RASGRP3: variants seen among roughly 807,000 people sequenced by gnomAD.
RASGRP3 encodes the protein RAS guanyl releasing protein 3.
RASGRP3 carries 54 observed loss-of-function variants against 82.7 expected under a neutral mutation model. The ratio of observed to expected loss-of-function variants is 0.65; its 90% CI spans 0.52 to 0.82. The LOEUF (loss-of-function observed/expected upper bound fraction) is 0.82. RASGRP3 is among the 40% of genes least tolerant of loss of function. RASGRP3 has a pLI of 0.00. For missense variants in RASGRP3, 861 were observed against 828.9 expected, an observed-to-expected ratio of 1.04 and a Z score of -0.48; for synonymous variants, 309 against 300.5, an observed-to-expected ratio of 1.03 and a Z score of -0.29.
At chr2:33,552,018 C>CAGAG (rs1675416875) in intron 14 of RASGRP3, among the ~76,000 whole-genome samples, 1 of 133,986 alleles carries the variant, frequency 7.5e-6, no homozygotes, top group African/African-American at 3.6e-5. Context: ...AACAAACAAA[C>CAGAG]AAACAAACAG....
intron 2 of RASGRP3, among the ~76,000 whole-genome samples, chr2:33,466,383 A>T (rs763439264): frequency 1.4e-4 from 21 of 152,142 alleles, no homozygotes; most frequent in Non-Finnish European, 2.4e-4. Flanking sequence ...GGGGTTTAAG[A>T]TTTCAGCGGA....
At chr2:33,444,917 C>T (rs1030788733) in intron 1 of RASGRP3, among the ~76,000 whole-genome samples, 1 of 152,160 alleles carries the variant, frequency 6.6e-6, no homozygotes, top group Non-Finnish European at 1.5e-5. Flanking sequence ...AGCCTAAAAT[C>T]GAGTTCCAAA....
rs1221337261 is a variant in RASGRP3 at position 33,558,845 on chromosome 2, G to C, written c.1879G>C (p.Asp627His). The part of the protein sequence containing the change: ...EPVWSEAGWG[D>H]SGSHTFPKMK... ...TGTCTGGTCAGAGGCTGGCTGGGGG[G>C]ACTCGGGGTCCCACACCTTCCCTAA... The change falls in exon 17 of 18, where the codon GAC becomes CAC. Residue 627 changes from aspartate to histidine, a missense_variant. Asp to His is a moderately conservative substitution (Grantham distance 81). Transcript: ENST00000403687. 1.2e-6 allele frequency: 2 copies of C among 1,613,876 alleles called. No individual in the cohort carries two copies. Among genetic ancestry groups the C allele is most frequent in the Non-Finnish European group, 1.7e-6 (2 of 1,179,906 alleles).
intron 17 of RASGRP3, among the ~76,000 whole-genome samples, chr2:33,562,042 A>G (rs1558534096): frequency 2.0e-5 from 3 of 152,218 alleles, no homozygotes; most frequent in Admixed American, 2.0e-4. Flanking sequence ...TATGTAATAT[A>G]CATAGTCATA....
chr2:33,524,553 AG>A lies in RASGRP3; in HGVS notation c.807+6del. ...CTTTCTTCAGAAGTTACAAAGGTAT[AG>A]TAGACTTGATCCTAATCAAAAGTAA... is the stretch of plus-strand genomic sequence containing the variant. On this transcript the variant is annotated splice_donor_region_variant and intron_variant, in intron 9 of 17. Transcript: ENST00000403687. 6.4e-7 allele frequency: 1 copy of A among 1,556,848 alleles called. No individual in the cohort carries two copies. Among genetic ancestry groups the A allele is most frequent in the South Asian group, 1.2e-5 (1 of 84,406 alleles).
chr2:33,542,966 T>G (rs750670649), intron 12 of RASGRP3, among the ~76,000 whole-genome samples: 3 of 152,204 alleles, frequency 2.0e-5, no homozygotes, highest in Non-Finnish European at 4.4e-5. Context: ...GTGCTAGGAT[T>G]GCAGGCATGA....
intron 9 of RASGRP3, among the ~76,000 whole-genome samples, chr2:33,525,954 T>C (rs975438849): frequency 1.3e-5 from 2 of 152,218 alleles, no homozygotes; most frequent in East Asian, 1.9e-4. Flanking sequence ...TTTTGTTTTT[T>C]TGTTTGTTTC....
chr2:33,505,495 T>C (rs746783785), intron 1 of RASGRP3, among the ~76,000 whole-genome samples: 24 of 151,866 alleles, frequency 1.6e-4, no homozygotes, highest in Non-Finnish European at 2.6e-4. Flanking sequence ...AGAGACGGGG[T>C]TTCTCCATGT....
chr2:33,538,274 A>G (rs1244486615), intron 11 of RASGRP3, among the ~76,000 whole-genome samples: 1 of 152,076 alleles, frequency 6.6e-6, no homozygotes, highest in Non-Finnish European at 1.5e-5. Context: ...AGGCCAAGGC[A>G]GGTGGATCAT....
intron 11 of RASGRP3, among the ~76,000 whole-genome samples, chr2:33,534,837 G>A (rs933357697): frequency 2.0e-5 from 3 of 151,834 alleles, no homozygotes; most frequent in East Asian, 1.9e-4. Flanking sequence ...CACCACGCCC[G>A]GCCATTATTC....
At chr2:33,465,593 C>A (rs1340839585) in intron 2 of RASGRP3, among the ~76,000 whole-genome samples, 1 of 152,182 alleles carries the variant, frequency 6.6e-6, no homozygotes, top group Admixed American at 6.6e-5. Flanking sequence ...GGAGAAACTG[C>A]AGCAAGTTAT....
At chr2:33,455,616 G>T (rs142341847) in intron 2 of RASGRP3, among the ~76,000 whole-genome samples, 8 of 152,368 alleles carry the variant, frequency 5.3e-5, no homozygotes, top group Non-Finnish European at 8.8e-5. Flanking sequence ...AAGGCAGACC[G>T]CCCGAGGAGC....
chr2:33,556,258 T>TTTTTTTTTTTTTTTTTTTTTTG (rs2151109512), intron 15 of RASGRP3, among the ~76,000 whole-genome samples: 1 of 51,458 alleles, frequency 1.9e-5, no homozygotes, highest in Admixed American at 2.3e-4. Context: ...TTTTTTTTTT[T>TTTTTTTTTTTTTTTTTTTTTTG]GAGACGGAGT....
intron 12 of RASGRP3, among the ~76,000 whole-genome samples, chr2:33,541,842 G>A (rs1674309325): frequency 6.8e-6 from 1 of 147,180 alleles, no homozygotes; most frequent in Admixed American, 7.0e-5. Flanking sequence ...TGACATTGAT[G>A]TCATGCCAAG....
chr2:33,525,494 A>G (rs925155675), intron 9 of RASGRP3, among the ~76,000 whole-genome samples: 2 of 152,006 alleles, frequency 1.3e-5, no homozygotes, highest in Admixed American at 6.6e-5. Flanking sequence ...GCACTTTGCT[A>G]CTTCAATAAG....
intron 4 of RASGRP3, 56 bp downstream of exon 4, chr2:33,516,700 G>T: frequency 8.3e-7 from 1 of 1,206,120 alleles, no homozygotes. Flanking sequence ...TCTGTATTTA[G>T]ATAGAGTGTC....
At chr2:33,465,776 G>A (rs1347091963) in intron 2 of RASGRP3, among the ~76,000 whole-genome samples, 1 of 152,170 alleles carries the variant, frequency 6.6e-6, no homozygotes, top group Non-Finnish European at 1.5e-5. Context: ...CTTGTTAGGG[G>A]CTAATGCAGC....
chr2:33,440,409 G>A (rs1665162910), intron 1 of RASGRP3, among the ~76,000 whole-genome samples: 1 of 152,144 alleles, frequency 6.6e-6, no homozygotes, highest in South Asian at 2.1e-4. Context: ...AGAGGCAGAT[G>A]GAAAATGGAA....
At position 33,488,606 on chromosome 2, in the gene RASGRP3, G is replaced by A. The variant is rs914409312; in HGVS notation, c.-261+11899G>A. On this transcript the variant is annotated intron_variant, in intron 1 of 17. Transcript: ENST00000403687. ...CTTCCTCCAGAAGAGGATTAAAGCA[G>A]CTGATGACAAAAAGCAAAAATAAAA... is the stretch of plus-strand genomic sequence containing the variant. Among the ~76,000 whole-genome samples, 14 of 152,274 alleles carry A rather than the reference G, an allele frequency of 9.2e-5. No individual in the cohort carries two copies. The South Asian group carries it at 2.9e-3, about 32-fold the overall frequency.
Sources: gnomAD v4.1 joint callset for allele counts (sites outside exome capture counted in the v4.1 genomes callset) on GRCh38, gnomAD v4.1.1 for gene constraint, MANE v1.5 for transcripts, NCBI Gene and HGNC (gene_info 2026-07-23, HGNC 2026-07-21) for gene names.